Variants in EXOC2 observed in about 807,000 individuals in gnomAD.
EXOC2 encodes the protein SEC5-like 1.
EXOC2 carries 70 observed loss-of-function variants against 131.8 expected under a neutral mutation model. The ratio of observed to expected loss-of-function variants is 0.53; its 90% CI spans 0.44 to 0.65. The LOEUF is 0.65. Ranked by LOEUF, EXOC2 falls within the 30% of genes least tolerant of loss-of-function variation. The pLI is 0.00. For missense variants in EXOC2, 923 were observed against 1,108.6 expected, an observed-to-expected ratio of 0.83 and a Z score of 2.38; for synonymous variants, 411 against 398.4, an observed-to-expected ratio of 1.03 and a Z score of -0.38.
At chr6:689,515 TC>T (rs1764818983) in intron 1 of EXOC2, among the ~76,000 whole-genome samples, 1 of 152,196 alleles carries the variant, frequency 6.6e-6, no homozygotes, top group African/African-American at 2.4e-5. Context: ...TCACACGCCT[TC>T]CTTCATCAAG....
At chr6:522,608 G>A (rs550960703) in intron 23 of EXOC2, among the ~76,000 whole-genome samples, 1 of 147,152 alleles carries the variant, frequency 6.8e-6, no homozygotes, top group South Asian at 2.2e-4. Context: ...ACTGGGCTGG[G>A]CTCAGGTGAA....
intron 23 of EXOC2, among the ~76,000 whole-genome samples, chr6:507,028 C>T (rs1273840610): frequency 6.7e-6 from 1 of 149,446 alleles, no homozygotes; most frequent in African/African-American, 2.5e-5. Flanking sequence ...ACACACACAG[C>T]AGTGACCACA....
chr6:615,180 T>TGGGG lies in EXOC2; in HGVS notation c.661+2530_661+2531insCCCC, dbSNP rs200446124. On this transcript the variant is annotated intron_variant, in intron 6 of 27. Coordinates refer to ENST00000230449, the MANE Select transcript of EXOC2 (RefSeq NM_018303.6). The stretch of plus-strand genomic sequence containing the variant: ...GAGGTTTGAAAAGTATATGTGGGTG[T>TGGGG]GGGTGTGTGTGTGTGTGTGTGTGTG... Among the ~76,000 whole-genome samples, 9 of 111,278 alleles carry TGGGG rather than the reference T, an allele frequency of 8.1e-5. No individual in the cohort carries two copies. The South Asian group carries it at 1.1e-3, about 13-fold the overall frequency. 73.0% of individuals were successfully genotyped at this position (111,278 alleles called of 152,430 possible).
In EXOC2 at chr6:497,474, T is replaced by C; in HGVS notation, c.2452A>G (p.Lys818Glu). 2 of 1,611,262 alleles carry C rather than the reference T, an allele frequency of 1.2e-6. No individual in the cohort carries two copies. The highest frequency in any genetic ancestry group is 4.5e-5 in the East Asian group (2 of 44,740). ...AVHAEVFTIS[K>E]ELVPRVLSKV... ...GATAGTACCCGAGGGACCAGTTCTT[T>C]GGAAATGGTGAACACCTGGTTTGAA... Residue 818 changes from lysine (K) to glutamate (E), a missense_variant, in exon 25 of 28, where the codon AAA becomes GAA. Lys to Glu is a moderately conservative substitution (Grantham distance 56). Coordinates refer to ENST00000230449, the MANE Select transcript of EXOC2 (RefSeq NM_018303.6).
At chr6:541,298 C>T (rs2473487) in intron 22 of EXOC2, among the ~76,000 whole-genome samples, 30,320 of 152,040 alleles carry the variant, frequency 0.2, 4,246 homozygotes, top group African/African-American at 0.4. Context: ...ATACCACTTG[C>T]GAAAACATGG....
intron 22 of EXOC2, among the ~76,000 whole-genome samples, chr6:544,487 T>C (rs1250048852): frequency 1.3e-5 from 2 of 152,182 alleles, no homozygotes; most frequent in Non-Finnish European, 2.9e-5. Context: ...TCTTAAACTC[T>C]GAAACAGATT....
chr6:619,629 A>G (rs1415914778), intron 4 of EXOC2, 86 bp from the exon 5 acceptor site: 1 of 767,966 alleles, frequency 1.3e-6, no homozygotes, highest in Non-Finnish European at 2.2e-6. Flanking sequence ...AGTATAACAC[A>G]TATGAATACT....
intron 7 of EXOC2, among the ~76,000 whole-genome samples, chr6:604,888 T>A (rs1747591): frequency 0.088 from 13,238 of 151,022 alleles, 1,021 homozygotes; most frequent in African/African-American, 0.21. Context: ...GGCTCCTGTG[T>A]CCTCCCCTGG....
Position 556,505 on chromosome 6 carries a change from C to A in EXOC2, c.1911G>T (p.Glu637Asp). The change falls in exon 18 of 28, where the codon GAG (glutamate) becomes GAT (aspartate). Residue 637 changes from glutamate to aspartate, a missense_variant. Glu to Asp is a conservative substitution (Grantham distance 45, BLOSUM62 2). Transcript: ENST00000230449. Reference sequence around the variant, plus strand: ...TTACACTGGCCTCTCCCGGCTTGCACTCCAGAACCCCCTTCAGTGACTGCA... The same window carrying A: ...TTACACTGGCCTCTCCCGGCTTGCAATCCAGAACCCCCTTCAGTGACTGCA... ...CSLQSLKGVL[E>D]CKPGEASVFQ... 1.2e-6 allele frequency: 2 copies of A among 1,613,990 alleles called. No homozygotes were observed. Among genetic ancestry groups the A allele is most frequent in the Non-Finnish European group, 1.7e-6 (2 of 1,179,990 alleles).
At chr6:558,716 G>A (rs558183628) in intron 17 of EXOC2, among the ~76,000 whole-genome samples, 1 of 152,040 alleles carries the variant, frequency 6.6e-6, no homozygotes, top group Admixed American at 6.6e-5. Context: ...AGGAGGCTGA[G>A]GCAGGAGAAT....
chr6:626,085 A>G (rs1019226724), intron 4 of EXOC2, among the ~76,000 whole-genome samples: 1 of 152,244 alleles, frequency 6.6e-6, no homozygotes, highest in Non-Finnish European at 1.5e-5. Flanking sequence ...AAGTCATGCA[A>G]AGACCACATA....
At chr6:598,786 T>G (rs1759964371) in intron 9 of EXOC2, 74 bp downstream of exon 9, 1 of 1,238,754 alleles carries the variant, frequency 8.1e-7, no homozygotes, top group South Asian at 1.4e-5. Flanking sequence ...CATATAACAT[T>G]CTTTGCAGAA....
chr6:655,677 T>C (rs532423317), intron 1 of EXOC2, among the ~76,000 whole-genome samples: 123 of 152,372 alleles, frequency 8.1e-4, no homozygotes, highest in African/African-American at 2.4e-3. Flanking sequence ...ATACCTTTTA[T>C]CTTGCAGATA....
At chr6:553,508 G>A (rs992076387) in intron 21 of EXOC2, among the ~76,000 whole-genome samples, 1 of 151,958 alleles carries the variant, frequency 6.6e-6, no homozygotes, top group African/African-American at 2.4e-5. Context: ...TGAAGAGGCA[G>A]GAGCCGTGAG....
chr6:504,461 G>A (rs1370321157), intron 23 of EXOC2, among the ~76,000 whole-genome samples: 7 of 152,250 alleles, frequency 4.6e-5, no homozygotes, highest in Non-Finnish European at 1.0e-4. Flanking sequence ...CAAAGGGCCA[G>A]TGACGGTGAC....
chr6:624,127 A>T (rs1761433085), intron 4 of EXOC2, among the ~76,000 whole-genome samples: 1 of 151,726 alleles, frequency 6.6e-6, no homozygotes. Context: ...TTTTATGCAA[A>T]CACCTCAAAA....
At chr6:504,705 G>A (rs1364992089) in intron 23 of EXOC2, among the ~76,000 whole-genome samples, 2 of 152,098 alleles carry the variant, frequency 1.3e-5, no homozygotes, top group African/African-American at 2.4e-5. Context: ...GACAGATCAC[G>A]AGACCCATTT....
At chr6:561,886 CTTTTTTCTTAATAAGGT>C (rs937240853) in intron 17 of EXOC2, among the ~76,000 whole-genome samples, 1 of 152,170 alleles carries the variant, frequency 6.6e-6, no homozygotes, top group Non-Finnish European at 1.5e-5. Context: ...CCAGCCTATC[CTTTTTTCTTAATAAGGT>C]AAGACAGAAA....
Position 629,886 on chromosome 6 carries a change from A to G in EXOC2, c.371T>C (p.Ile124Thr). ...YDMRTDRNKG[I>T]PPLSLRPANP... ...AGCAGGACGTAAGGACAAGGGCGGAATTCCTTTGTTCCTGTCAGTGCGCAT... is the reference window on the plus strand; with the variant it reads ...AGCAGGACGTAAGGACAAGGGCGGAGTTCCTTTGTTCCTGTCAGTGCGCAT... The change falls in exon 4 of 28, where the codon ATT becomes ACT. Residue 124 changes from isoleucine to threonine, a missense_variant. Coordinates refer to ENST00000230449, the MANE Select transcript of EXOC2 (RefSeq NM_018303.6). The G allele has an allele frequency of 6.2e-7, 1 of 1,614,128 alleles. No individual in the cohort carries two copies. The highest frequency in any genetic ancestry group is 8.5e-7 in the Non-Finnish European group (1 of 1,179,980).
Sources: allele counts gnomAD v4.1 joint callset (sites outside exome capture counted in the v4.1 genomes callset), GRCh38; gene constraint gnomAD v4.1.1; transcripts MANE v1.5; gene names NCBI Gene and HGNC (gene_info 2026-07-23, HGNC 2026-07-21).